The following CIROZ variants were observed in gnomAD, a reference collection of about 807,000 sequenced individuals.
CIROZ encodes the protein ciliated left-right organizer protein containing ZP-N domains.
the CIROZ span, among the ~76,000 whole-genome samples, chr1:10,969,622 C>A: frequency 6.6e-6 from 1 of 152,214 alleles, no homozygotes. Context: ...TGGGAATCTT[C>A]TAAGCACCAG....
the CIROZ span, among the ~76,000 whole-genome samples, chr1:10,953,151 C>A: frequency 9.1e-3 from 1,379 of 152,256 alleles, 22 homozygotes; most frequent in African/African-American, 0.032. Flanking sequence ...CCCTTTTAAT[C>A]TTTAAATATA....
chr1:10,953,372 T>C, the CIROZ span, among the ~76,000 whole-genome samples: 1 of 152,218 alleles, frequency 6.6e-6, no homozygotes, highest in African/African-American at 2.4e-5. Flanking sequence ...CTCCTGGTGG[T>C]TTTGCATGTG....
chr1:10,955,608 C>T, the CIROZ span, among the ~76,000 whole-genome samples: 2,899 of 152,054 alleles, frequency 0.019, 106 homozygotes, highest in African/African-American at 0.066. Context: ...TTTGGGAGGC[C>T]GAGGTGGGTG....
the CIROZ span, among the ~76,000 whole-genome samples, chr1:10,978,204 C>A: frequency 2.0e-5 from 3 of 151,330 alleles, no homozygotes; most frequent in Non-Finnish European, 4.4e-5. Flanking sequence ...GCCACCACGC[C>A]CGGCTAATTT....
chr1:10,981,429 C>T, the CIROZ span, among the ~76,000 whole-genome samples: 7 of 149,844 alleles, frequency 4.7e-5, no homozygotes, highest in East Asian at 1.4e-3. Flanking sequence ...CCAGCCTGGG[C>T]AACAGAGCAA....
chr1:10,958,651 C>T, the CIROZ span: 1 of 1,586,904 alleles, frequency 6.3e-7, no homozygotes, highest in Non-Finnish European at 8.7e-7. Flanking sequence ...ATCCTGAGCA[C>T]CCACCAGTCC....
chr1:10,958,311 C>T, the CIROZ span, among the ~76,000 whole-genome samples: 4 of 152,262 alleles, frequency 2.6e-5, no homozygotes, highest in African/African-American at 4.8e-5. Context: ...GGGGAGGCTG[C>T]GGGAAACACT....
At chr1:10,979,630 A>G in the CIROZ span, among the ~76,000 whole-genome samples, 1 of 152,294 alleles carries the variant, frequency 6.6e-6, no homozygotes, top group African/African-American at 2.4e-5. Context: ...GACACGTGCA[A>G]GACTGTTGAC....
chr1:10,958,547 T>C, the CIROZ span, among the ~76,000 whole-genome samples: 2 of 152,062 alleles, frequency 1.3e-5, no homozygotes, highest in African/African-American at 4.8e-5. Flanking sequence ...AGTGGGAGCT[T>C]CAAACTTCAG....
At chr1:10,958,566 A>T in the CIROZ span, 6 of 955,652 alleles carry the variant, frequency 6.3e-6, no homozygotes, top group South Asian at 1.4e-5. Context: ...AGCCGGCAAG[A>T]CCTGGTCCTT....
At chr1:10,948,880 T>C in the CIROZ span, 7 of 1,465,128 alleles carry the variant, frequency 4.8e-6, no homozygotes, top group East Asian at 1.6e-4. Flanking sequence ...GAAAAAGCAT[T>C]AGAAACAAGA....
At chr1:10,948,518 G>T in the CIROZ span, 6 of 1,614,126 alleles carry the variant, frequency 3.7e-6, no homozygotes, top group Non-Finnish European at 5.1e-6. Flanking sequence ...CTTCAGTCAG[G>T]GTGACAGATG....
At chr1:10,964,277 A>G in the CIROZ span, 1 of 1,605,670 alleles carries the variant, frequency 6.2e-7, no homozygotes, top group Non-Finnish European at 8.5e-7. Flanking sequence ...GCTTTCTGGA[A>G]GTAGGGCAAA....
chr1:10,970,216 A>C, the CIROZ span: 6 of 911,172 alleles, frequency 6.6e-6, no homozygotes, highest in East Asian at 1.3e-4. Context: ...TCAATGGAAT[A>C]GTCAGGAAAG....
At chr1:10,955,844 C>CAAAAAAA in the CIROZ span, among the ~76,000 whole-genome samples, 1 of 98,436 alleles carries the variant, frequency 1.0e-5, no homozygotes, top group African/African-American at 3.3e-5. Context: ...AACTCCATCT[C>CAAAAAAA]AAAAAAAAAA....
the CIROZ span, among the ~76,000 whole-genome samples, chr1:10,952,633 G>A: frequency 5.9e-5 from 9 of 152,240 alleles, no homozygotes; most frequent in East Asian, 1.9e-4. Flanking sequence ...AGGTGCAAGC[G>A]ATTCTCCTGC....
At chr1:10,950,327 G>A in the CIROZ span, among the ~76,000 whole-genome samples, 473 of 152,198 alleles carry the variant, frequency 3.1e-3, 2 homozygotes, top group African/African-American at 0.011. Flanking sequence ...GAGCCACCAC[G>A]ACTGGCCCAT....
the CIROZ span, chr1:10,970,185 G>C: frequency 5.0e-6 from 6 of 1,193,292 alleles, no homozygotes; most frequent in Non-Finnish European, 6.9e-6. Context: ...AGGAAAAGAA[G>C]GAGCTCCTCT....
At chr1:10,979,843 T>A in the CIROZ span, among the ~76,000 whole-genome samples, 2 of 151,318 alleles carry the variant, frequency 1.3e-5, no homozygotes, top group Admixed American at 1.3e-4. Context: ...AGGTCAGGGG[T>A]TTGAGAGCAG....
Sources: allele counts gnomAD v4.1 joint callset (sites outside exome capture counted in the v4.1 genomes callset), GRCh38; gene constraint gnomAD v4.1.1; transcripts MANE v1.5; gene names NCBI Gene and HGNC (gene_info 2026-07-23, HGNC 2026-07-21).